PATJ: variants seen among roughly 807,000 people sequenced by gnomAD.
PATJ encodes PATJ crumbs cell polarity complex component.
PATJ carries 190 observed loss-of-function variants against 224.9 expected under a neutral mutation model. The ratio of observed to expected loss-of-function variants is 0.84; its 90% CI spans 0.75 to 0.95. The LOEUF (loss-of-function observed/expected upper bound fraction) is 0.95. Among genes scored for constraint, PATJ ranks in the 40% least tolerant of loss-of-function variants. The pLI is 0.00. For missense variants in PATJ, 2,121 were observed against 2,270.3 expected (o/e 0.93, Z 1.34); for synonymous variants, 769 against 820.3 (o/e 0.94, Z 1.07).
intron 22 of PATJ, among the ~76,000 whole-genome samples, chr1:61,885,125 C>G (rs1055867828): frequency 1.3e-5 from 2 of 152,070 alleles, no homozygotes; most frequent in Non-Finnish European, 2.9e-5. Flanking sequence ...TGGGCAAGGA[C>G]TTCATGTCTA....
At chr1:61,868,461 A>G (rs1317202430) in intron 20 of PATJ, among the ~76,000 whole-genome samples, 3 of 152,202 alleles carry the variant, frequency 2.0e-5, no homozygotes, top group African/African-American at 4.8e-5. Context: ...AGATTCATCC[A>G]TGTTGTAGAA....
At chr1:61,982,036 A>G (rs1644479305) in intron 27 of PATJ, among the ~76,000 whole-genome samples, 2 of 152,102 alleles carry the variant, frequency 1.3e-5, no homozygotes, top group South Asian at 4.2e-4. Context: ...GACACCTGTC[A>G]CATACACATC....
intron 27 of PATJ, among the ~76,000 whole-genome samples, chr1:61,980,463 GT>G (rs1455164680): frequency 5.3e-5 from 8 of 150,376 alleles, no homozygotes; most frequent in East Asian, 3.9e-4. Flanking sequence ...GTGTGTGTGT[GT>G]GTGTGTGTGT....
intron 41 of PATJ, among the ~76,000 whole-genome samples, chr1:62,140,461 T>C (rs1667389921): frequency 6.6e-6 from 1 of 152,112 alleles, no homozygotes; most frequent in African/African-American, 2.4e-5. Context: ...GAGACCGGCC[T>C]GGCCAACATG....
intron 1 of PATJ, among the ~76,000 whole-genome samples, chr1:61,748,039 C>T (rs1037178319): frequency 6.6e-6 from 1 of 152,238 alleles, no homozygotes; most frequent in African/African-American, 2.4e-5. Context: ...CGCCACCACA[C>T]CCTGCTAATT....
intron 27 of PATJ, among the ~76,000 whole-genome samples, chr1:61,954,602 T>G (rs1680166888): frequency 6.6e-6 from 1 of 152,198 alleles, no homozygotes; most frequent in African/African-American, 2.4e-5. Context: ...GTTACTTTCT[T>G]GCAGAGACTG....
At chr1:61,952,679 A>G (rs987595250) in intron 27 of PATJ, among the ~76,000 whole-genome samples, 2 of 152,192 alleles carry the variant, frequency 1.3e-5, no homozygotes, top group Non-Finnish European at 2.9e-5. Flanking sequence ...ACTGTCAAAG[A>G]TATACCAGTA....
chr1:61,884,949 T>C (rs1167207239), intron 22 of PATJ, among the ~76,000 whole-genome samples: 1 of 152,194 alleles, frequency 6.6e-6, no homozygotes, highest in African/African-American at 2.4e-5. Context: ...TTAAATGTAA[T>C]CAATTAGATA....
intron 43 of PATJ, 76 bp from the exon 44 acceptor site, chr1:62,160,832 T>C: frequency 6.7e-7 from 1 of 1,482,116 alleles, no homozygotes; most frequent in Non-Finnish European, 9.3e-7. Context: ...ACCAGACAGA[T>C]GTTAGAGGTT....
chr1:62,157,842 AAAAAAAAAAAAAAT>A (rs1669396466), intron 43 of PATJ, among the ~76,000 whole-genome samples: 1 of 128,954 alleles, frequency 7.8e-6, no homozygotes, highest in Admixed American at 9.6e-5. Context: ...AAAAAAAAAA[AAAAAAAAAAAAAAT>A]AATCCAAGCC....
At chr1:61,748,234 C>G (rs1456714987) in intron 1 of PATJ, among the ~76,000 whole-genome samples, 1 of 138,030 alleles carries the variant, frequency 7.2e-6, no homozygotes, top group Non-Finnish European at 1.5e-5. Context: ...TATGTGTATA[C>G]TGCCTTAATG....
intron 33 of PATJ, among the ~76,000 whole-genome samples, chr1:62,091,981 G>T (rs148092876): frequency 1.3e-5 from 2 of 150,874 alleles, no homozygotes; most frequent in Non-Finnish European, 2.9e-5. Context: ...ACTTGAACAC[G>T]GGAGGCGGAG....
intron 32 of PATJ, among the ~76,000 whole-genome samples, chr1:62,081,853 C>G (rs923900243): frequency 2.6e-5 from 4 of 152,280 alleles, no homozygotes; most frequent in South Asian, 4.1e-4. Context: ...AGGCGTGAGC[C>G]ACCGCACCCG....
At chr1:62,063,834 A>G (rs904472551) in intron 31 of PATJ, among the ~76,000 whole-genome samples, 1 of 152,102 alleles carries the variant, frequency 6.6e-6, no homozygotes, top group African/African-American at 2.4e-5. Flanking sequence ...AATACTACTG[A>G]TTTTTGTTCA....
intron 27 of PATJ, among the ~76,000 whole-genome samples, chr1:61,986,037 G>T (rs895020121): frequency 6.6e-6 from 1 of 151,920 alleles, no homozygotes; most frequent in African/African-American, 2.4e-5. Context: ...AGAAATCTGG[G>T]TTCATAGAGG....
At chr1:61,795,856 CTG>C (rs1450732471) in intron 10 of PATJ, among the ~76,000 whole-genome samples, 2 of 152,162 alleles carry the variant, frequency 1.3e-5, no homozygotes, top group Non-Finnish European at 2.9e-5. Context: ...GAGGACCACA[CTG>C]TGTTCTTTAA....
At chr1:62,071,096 G>A (rs1475060496) in intron 31 of PATJ, among the ~76,000 whole-genome samples, 2 of 152,044 alleles carry the variant, frequency 1.3e-5, no homozygotes, top group Admixed American at 1.3e-4. Context: ...ACAAAAACCA[G>A]TTACAGAAAA....
At chr1:62,098,377 GAA>G (rs904688848) in intron 33 of PATJ, among the ~76,000 whole-genome samples, 1 of 148,390 alleles carries the variant, frequency 6.7e-6, no homozygotes, top group African/African-American at 2.5e-5. Flanking sequence ...AAAGAAAAAA[GAA>G]AAAAAAGAAG....
At chr1:61,949,251 A>G (rs1192669250) in intron 27 of PATJ, among the ~76,000 whole-genome samples, 2 of 152,084 alleles carry the variant, frequency 1.3e-5, no homozygotes, top group African/African-American at 4.8e-5. Flanking sequence ...CTGCTGCAAA[A>G]CATTACATAC....
Sources: gnomAD v4.1 joint callset for allele counts (sites outside exome capture counted in the v4.1 genomes callset) on GRCh38, gnomAD v4.1.1 for gene constraint, MANE v1.5 for transcripts, NCBI Gene and HGNC (gene_info 2026-07-23, HGNC 2026-07-21) for gene names.